Variants in PCSK2 observed in about 807,000 individuals in gnomAD.
PCSK2 encodes the protein neuroendocrine convertase 2.
Under a neutral mutation model 69.7 loss-of-function variants are expected in PCSK2, and 14 were observed. The observed-to-expected ratio is 0.20, with a 90% confidence interval of 0.13 to 0.31. The LOEUF is 0.31. PCSK2 is among the 10% of genes least tolerant of loss of function. The pLI, the probability that PCSK2 is intolerant of heterozygous loss-of-function variation, is 1.00. For missense variants in PCSK2, 544 were observed against 842.5 expected, an observed-to-expected ratio of 0.65 and a Z score of 4.39; for synonymous variants, 307 against 320.7, an observed-to-expected ratio of 0.96 and a Z score of 0.46.
intron 8 of PCSK2, among the ~76,000 whole-genome samples, chr20:17,449,827 C>G (rs1487117007): frequency 1.3e-5 from 2 of 151,804 alleles, no homozygotes; most frequent in East Asian, 3.9e-4. Context: ...GCACCTGGCA[C>G]ATTTATATAT....
chr20:17,342,149 C>T (rs963179336), intron 2 of PCSK2, among the ~76,000 whole-genome samples: 10 of 150,908 alleles, frequency 6.6e-5, no homozygotes, highest in Admixed American at 2.0e-4. Flanking sequence ...GTGTCACACC[C>T]AGCACCAGCA....
At chr20:17,411,133 G>A (rs1315532392) in intron 6 of PCSK2, among the ~76,000 whole-genome samples, 1 of 152,170 alleles carries the variant, frequency 6.6e-6, no homozygotes, top group African/African-American at 2.4e-5. Context: ...TGGCCAAATA[G>A]GAACAGCTCT....
chr20:17,268,168 G>A lies in PCSK2; in HGVS notation c.282+7824G>A, dbSNP rs2223555. 8.9e-3 allele frequency among the ~76,000 whole-genome samples: 1,350 copies of A among 151,668 alleles called. 11 individuals are homozygous for A. The highest frequency in any genetic ancestry group is 0.024 in the East Asian group (125 of 5,172). ...TATTTAGTTGTTGGCTAGAAAACCAGCATTCATTCAGCAAATAGTTATCAA... is the reference window on the plus strand; with the variant it reads ...TATTTAGTTGTTGGCTAGAAAACCAACATTCATTCAGCAAATAGTTATCAA... On this transcript the variant is annotated intron_variant, in intron 2 of 11. Coordinates refer to ENST00000262545, the MANE Select transcript of PCSK2 (RefSeq NM_002594.5).
In PCSK2 at chr20:17,453,942, C is replaced by T. The variant is rs1363021916; in HGVS notation, c.1086C>T (p.Asn362=). The change falls in exon 9 of 12, where the codon AAC becomes AAT. Residue 362 remains asparagine (N), a synonymous_variant. Transcript: ENST00000262545. This position sits in a 1 kb window ranked among gnomAD's most constrained non-coding sequence, Gnocchi z 4.0. ...ASTFSNGRKR[N]PEAGVATTDL... ...CCTTCAGCAACGGGAGGAAAAGGAA[C>T]CCCGAGGCCGGTGTGGTGAGCACGT... 7 of 1,614,222 alleles carry T rather than the reference C, an allele frequency of 4.3e-6. No homozygotes were observed. The East Asian group carries it at 1.3e-4, about 31-fold the overall frequency.
chr20:17,266,304 G>C (rs1211681014), intron 2 of PCSK2, among the ~76,000 whole-genome samples: 1 of 152,152 alleles, frequency 6.6e-6, no homozygotes, highest in Non-Finnish European at 1.5e-5. Context: ...CACCTTTCTG[G>C]GGGTGAGCCT....
At chr20:17,463,275 G>T (rs752557641) in intron 10 of PCSK2, among the ~76,000 whole-genome samples, 8 of 152,094 alleles carry the variant, frequency 5.3e-5, no homozygotes, top group Non-Finnish European at 8.8e-5. Flanking sequence ...CCAGCCCTCT[G>T]GTCATTTAGA....
In PCSK2 at chr20:17,468,284, T is replaced by C. The variant is rs60006551; in HGVS notation, c.1430+2731T>C. ...GGCAGCCCACCATAGGCCAGCATCA[T>C]TCCACAGGCCAGCATCCTGCCGTAG... On this transcript the variant is annotated intron_variant, in intron 11 of 11. Transcript: ENST00000262545. Among the ~76,000 whole-genome samples, 7 of 138,004 alleles carry C rather than the reference T, an allele frequency of 5.1e-5. No individual in the cohort carries two copies. In the East Asian group the frequency reaches 1.7e-3, roughly 33 times the overall value. The allele number at this position is 138,004 out of a possible 152,430, so 90.5% of individuals were successfully genotyped here. A position where few individuals can be genotyped will look rare whatever the true frequency, so the allele number is the denominator to read the frequency against.
At position 17,456,915 on chromosome 20, in the gene PCSK2, A is replaced by G. The variant is rs572766988; in HGVS notation, c.1202+467A>G. 7.9e-5 allele frequency among the ~76,000 whole-genome samples: 12 copies of G among 152,324 alleles called. No individual in the cohort carries two copies. In the South Asian group the frequency reaches 2.5e-3, roughly 32 times the overall value. Reference sequence around the variant, plus strand: ...ATTTGTTAATTTGTGAAGTGGATTCACTTTTTAACACTGAAACAAGATAGG... The same window carrying G: ...ATTTGTTAATTTGTGAAGTGGATTCGCTTTTTAACACTGAAACAAGATAGG... On this transcript the variant is annotated intron_variant, in intron 10 of 11. Transcript: ENST00000262545.
rs191828056 is a variant in PCSK2 at position 17,388,222 on chromosome 20, A to G, written c.543+18945A>G. 4.6e-5 allele frequency among the ~76,000 whole-genome samples: 7 copies of G among 152,282 alleles called. No homozygotes were observed. In the East Asian group the frequency reaches 1.2e-3, roughly 25 times the overall value. On this transcript the variant is annotated intron_variant, in intron 5 of 11. Transcript: ENST00000262545. ...GACTGTATAAACTTTCTGAGCCATG[A>G]GGATTCATAACTTCATCCTAGGAGC...
rs547503686 is a variant in PCSK2 at position 17,428,311 on chromosome 20, G to A, written c.621-1124G>A. Among the ~76,000 whole-genome samples, 96 of 152,284 alleles carry A rather than the reference G, an allele frequency of 6.3e-4. 1 individual carries two copies. The highest frequency in any genetic ancestry group is 2.3e-3 in the African/African-American group (94 of 41,556). On this transcript the variant is annotated intron_variant, in intron 6 of 11. Coordinates refer to ENST00000262545, the MANE Select transcript of PCSK2 (RefSeq NM_002594.5). Reference sequence around the variant, plus strand: ...GTTTACATATCTGGGTACATGATAGGCGGGTTTCATTCTTGTTCCAAAGAG... The same window carrying A: ...GTTTACATATCTGGGTACATGATAGACGGGTTTCATTCTTGTTCCAAAGAG...
At chr20:17,478,480 C>G (rs2033331622) in intron 11 of PCSK2, among the ~76,000 whole-genome samples, 1 of 152,092 alleles carries the variant, frequency 6.6e-6, no homozygotes. Context: ...AATTCACCCT[C>G]AAGTATAAAT....
At chr20:17,276,376 G>T (rs921277574) in intron 2 of PCSK2, among the ~76,000 whole-genome samples, 4 of 150,716 alleles carry the variant, frequency 2.7e-5, no homozygotes, top group African/African-American at 9.8e-5. Flanking sequence ...GAAATGTGTG[G>T]ATTTGCTTCA....
intron 2 of PCSK2, among the ~76,000 whole-genome samples, chr20:17,303,508 T>TTA (rs1568593724): frequency 0.069 from 3,047 of 44,350 alleles, 113 homozygotes; most frequent in East Asian, 0.17. Context: ...ATAATATATA[T>TTA]TATATATAAT....
intron 5 of PCSK2, among the ~76,000 whole-genome samples, chr20:17,373,482 G>A (rs1010212168): frequency 1.3e-5 from 2 of 152,210 alleles, no homozygotes; most frequent in African/African-American, 4.8e-5. Flanking sequence ...CAGCTTACCA[G>A]GGACATGAGG....
At chr20:17,398,710 A>G (rs1299777635) in intron 5 of PCSK2, among the ~76,000 whole-genome samples, 3 of 151,820 alleles carry the variant, frequency 2.0e-5, no homozygotes, top group Non-Finnish European at 4.4e-5. Flanking sequence ...AACCTGGACT[A>G]TACATCAGAA....
chr20:17,329,791 G>A (rs1237211409), intron 2 of PCSK2, among the ~76,000 whole-genome samples: 1 of 152,174 alleles, frequency 6.6e-6, no homozygotes, highest in Non-Finnish European at 1.5e-5. Context: ...AATCTGTTAC[G>A]TAAATATATG....
rs185293498 is a variant in PCSK2, at chr20:17,262,050, T to A, written c.282+1706T>A. ...ACTATTTAGCACCACTGGCCTGAGCTTTTCCCATTCTAACACATATGATCT... is the reference window on the plus strand; with the variant it reads ...ACTATTTAGCACCACTGGCCTGAGCATTTCCCATTCTAACACATATGATCT... On this transcript the variant is annotated intron_variant, in intron 2 of 11. Coordinates refer to ENST00000262545, the MANE Select transcript of PCSK2 (RefSeq NM_002594.5). Among the ~76,000 whole-genome samples, 8 of 152,324 alleles carry A rather than the reference T, an allele frequency of 5.3e-5. No homozygotes were observed. The East Asian group carries it at 5.8e-4, about 11-fold the overall frequency.
intron 4 of PCSK2, among the ~76,000 whole-genome samples, chr20:17,368,024 G>A (rs142101229): frequency 8.2e-4 from 125 of 151,964 alleles, no homozygotes; most frequent in Middle Eastern, 3.4e-3. Flanking sequence ...CCTAACACAC[G>A]TACCGTAGAT....
At position 17,230,932 on chromosome 20, in the gene PCSK2, C is replaced by T. The variant is rs534781827; in HGVS notation, c.177+3450C>T. 2.9e-4 allele frequency among the ~76,000 whole-genome samples: 44 copies of T among 152,270 alleles called. No individual in the cohort carries two copies. The South Asian group carries it at 7.3e-3, about 25-fold the overall frequency. ...CTGGCCCTGGCCCAAAGACCTATGT[C>T]TATCAGAAAAGATACTTAAGTCTAG... On this transcript the variant is annotated intron_variant, in intron 1 of 11. Coordinates refer to ENST00000262545, the MANE Select transcript of PCSK2 (RefSeq NM_002594.5).
Sources: gnomAD v4.1 joint callset for allele counts (sites outside exome capture counted in the v4.1 genomes callset) on GRCh38, gnomAD v4.1.1 for gene constraint, Gnocchi (gnomAD v3.1) non-coding constraint, MANE v1.5 for transcripts, NCBI Gene and HGNC (gene_info 2026-07-23, HGNC 2026-07-21) for gene names.